Variants in SMG5 observed in about 807,000 individuals in gnomAD.
SMG5 encodes the protein SMG5 nonsense mediated mRNA decay factor.
Under a neutral mutation model 122.9 loss-of-function variants are expected in SMG5, and 53 were observed. The ratio of observed to expected loss-of-function variants is 0.43; its 90% CI spans 0.35 to 0.54. SMG5 has a LOEUF of 0.54. Among genes scored for constraint, SMG5 ranks in the 20% least tolerant of loss-of-function variants. The pLI is 0.01. For synonymous variants in SMG5, 477 were observed against 490.2 expected (o/e 0.97, Z 0.35); for missense variants, 1,153 against 1,285.6 (o/e 0.90, Z 1.58).
Position 156,251,405 on chromosome 1 carries a change from G to A in SMG5, c.2826C>T (p.Ala942=), listed in dbSNP as rs1661350000. The A allele has an allele frequency of 1.2e-6, 2 of 1,614,176 alleles. No individual in the cohort carries two copies. Among genetic ancestry groups the A allele is most frequent in the African/African-American group, 2.7e-5 (2 of 75,042 alleles). The change falls in exon 20 of 22, where the codon GCC becomes GCT. Residue 942 remains alanine (A), a splice_region_variant and synonymous_variant. Coordinates refer to ENST00000361813, the MANE Select transcript of SMG5 (RefSeq NM_015327.3). ...AGGGGTGAGGGCTAAAATGTTACCA[G>A]GCATCTGCATCCTGCCTCTTCAGCT... ...RHKLKRQDAD[A]WTLYKILDSC... is the part of the protein sequence containing the mutation.
At chr1:156,253,630 C>T (rs1572572224) in intron 16 of SMG5, 122 bp from the exon 17 acceptor site, 3 of 863,300 alleles carry the variant, frequency 3.5e-6, no homozygotes, top group East Asian at 4.9e-5. Context: ...CTCTCTAGCA[C>T]TGCTGCTGAA....
chr1:156,249,730 T>G lies in SMG5; in HGVS notation c.*857A>C, dbSNP rs1486915295. On this transcript the variant is annotated 3_prime_UTR_variant, in exon 22 of 22. Transcript: ENST00000361813. ...GCCCTCCCTTAGATAGGAAGGGGGG[T>G]GGTGGCCTCAGACTGCACCCCCTTT... 8.5e-6 allele frequency: 4 copies of G among 468,494 alleles called. No homozygotes were observed. Among genetic ancestry groups the G allele is most frequent in the South Asian group, 1.6e-5 (1 of 64,432 alleles). 29.0% of individuals were successfully genotyped at this position (468,494 alleles called of 1,614,324 possible). A position where few individuals can be genotyped will look rare whatever the true frequency, so the allele number is the denominator to read the frequency against.
chr1:156,268,225 C>A, intron 8 of SMG5, 42 bp from the exon 9 acceptor site: 1 of 1,614,036 alleles, frequency 6.2e-7, no homozygotes, highest in Non-Finnish European at 8.5e-7. Context: ...AATGGTCCCG[C>A]AGTCCCTATG....
chr1:156,251,096 G>GGGCAGTGAGC, intron 20 of SMG5, 100 bp from the exon 21 acceptor site: 1 of 1,499,434 alleles, frequency 6.7e-7, no homozygotes, highest in South Asian at 1.2e-5. Context: ...GGGGCTGGGA[G>GGGCAGTGAGC]GGCAGTGAGC....
the SMG5 span, chr1:156,290,960 A>G: frequency 5.5e-6 from 1 of 183,384 alleles, no homozygotes; most frequent in African/African-American, 2.4e-5. Context: ...TACTATACTC[A>G]TTGAATTTGC....
At chr1:156,265,638 T>C in intron 12 of SMG5, 143 bp downstream of exon 12, 1 of 1,269,784 alleles carries the variant, frequency 7.9e-7, no homozygotes, top group Non-Finnish European at 1.1e-6. Context: ...AGGAAAAAAC[T>C]CATGGGCTAC....
rs1662137692 is a variant in SMG5, at chr1:156,266,353, T to A, written c.1283A>T (p.Glu428Val). The A allele has an allele frequency of 6.2e-7, 1 of 1,613,424 alleles. No homozygotes were observed. ...CTCAGGATCTGGCTCCTCCTCTTTCTCCACAGGTTCCTTGGACTCTGGTTC... is the reference window on the plus strand; with the variant it reads ...CTCAGGATCTGGCTCCTCCTCTTTCACCACAGGTTCCTTGGACTCTGGTTC... ...TDEPESKEPV[E>V]KEEEPDPEPP... Residue 428 changes from glutamate to valine, a missense_variant, in exon 12 of 22, where the codon GAG becomes GTG. Glu to Val is a moderately radical substitution (Grantham distance 121). Coordinates refer to ENST00000361813, the MANE Select transcript of SMG5 (RefSeq NM_015327.3).
In SMG5 at chr1:156,266,684, G is replaced by A. The variant is rs570362105; in HGVS notation, c.1118-6C>T. On this transcript the variant is annotated splice_polypyrimidine_tract_variant and splice_region_variant and intron_variant, in intron 10 of 21. Coordinates refer to ENST00000361813, the MANE Select transcript of SMG5 (RefSeq NM_015327.3). ...TGCACTGTACTGCTTGGATCCTGAAGTCAGGAAAGCCAGGCATTAGGGGCC... is the reference window on the plus strand; with the variant it reads ...TGCACTGTACTGCTTGGATCCTGAAATCAGGAAAGCCAGGCATTAGGGGCC... The A allele has an allele frequency of 5.4e-5, 87 of 1,614,016 alleles. No homozygotes were observed. In the South Asian group the frequency reaches 9.2e-4, roughly 17 times the overall value.
intron 7 of SMG5, among the ~76,000 whole-genome samples, chr1:156,269,493 T>C (rs994080791): frequency 1.3e-5 from 2 of 151,878 alleles, no homozygotes; most frequent in African/African-American, 4.8e-5. Context: ...ACCCAGCACT[T>C]TGGGAGGCTG....
chr1:156,249,238 T>G lies in SMG5; in HGVS notation c.*1349A>C, dbSNP rs1572565671. 5 of 164,260 alleles carry G rather than the reference T, an allele frequency of 3.0e-5. No homozygotes were observed. Among genetic ancestry groups the G allele is most frequent in the Admixed American group, 1.2e-4 (2 of 17,298 alleles). The allele number at this position is 164,260 out of a possible 1,614,324, so 10.2% of individuals were successfully genotyped here. On this transcript the variant is annotated 3_prime_UTR_variant, in exon 22 of 22. Transcript: ENST00000361813. ...GGAGACAGGGATTGGGCTTGGGGGGTTTATTAAGTGATGCTTTAGTCTCAG... is the reference window on the plus strand; with the variant it reads ...GGAGACAGGGATTGGGCTTGGGGGGGTTATTAAGTGATGCTTTAGTCTCAG...
At chr1:156,257,347 G>A (rs1027545232) in intron 16 of SMG5, among the ~76,000 whole-genome samples, 4 of 152,142 alleles carry the variant, frequency 2.6e-5, no homozygotes, top group Admixed American at 6.5e-5. Context: ...TGATAAATGT[G>A]ATAACGACAA....
At chr1:156,278,479 C>T (rs1662789841) in intron 2 of SMG5, among the ~76,000 whole-genome samples, 1 of 151,730 alleles carries the variant, frequency 6.6e-6, no homozygotes, top group African/African-American at 2.4e-5. Flanking sequence ...CCTCCCACCT[C>T]AGCCTAACTA....
In SMG5 at chr1:156,261,348, C is replaced by T; in HGVS notation, c.2092G>A (p.Glu698Lys). 1 of 1,614,158 alleles carries T rather than the reference C, an allele frequency of 6.2e-7. No homozygotes were observed. Among genetic ancestry groups the T allele is most frequent in the South Asian group, 1.1e-5 (1 of 91,080 alleles). Reference sequence around the variant, plus strand: ...ACCCACTCACCAGACTCCTGGAGTTCACCAGCAGCAGGCAACAGATTCAGC... The same window carrying T: ...ACCCACTCACCAGACTCCTGGAGTTTACCAGCAGCAGGCAACAGATTCAGC... ...VLLNLLPAAG[E>K]LQESGLALCP... Residue 698 changes from glutamate (E) to lysine (K), a missense_variant, in exon 14 of 22, where the codon GAA becomes AAA. Coordinates refer to ENST00000361813, the MANE Select transcript of SMG5 (RefSeq NM_015327.3).
intron 5 of SMG5, 36 bp from the exon 6 acceptor site, chr1:156,273,486 T>G: frequency 6.3e-7 from 1 of 1,595,422 alleles, no homozygotes; most frequent in Non-Finnish European, 8.6e-7. Flanking sequence ...AACTCGATGA[T>G]TTTAAGTTTC....
intron 4 of SMG5, 150 bp downstream of exon 4, chr1:156,276,935 G>T: frequency 2.7e-6 from 2 of 744,034 alleles, no homozygotes; most frequent in Non-Finnish European, 4.3e-6. Flanking sequence ...TGATTGTCTG[G>T]ATAAATCCAA....
chr1:156,261,725 TA>T (rs1175990329), intron 13 of SMG5, among the ~76,000 whole-genome samples: 1 of 151,604 alleles, frequency 6.6e-6, no homozygotes, highest in African/African-American at 2.4e-5. Context: ...CCATCCCTAC[TA>T]AAAATACAAA....
rs151108941 is a variant in SMG5 at position 156,266,564 on chromosome 1, G to T, written c.1232C>A (p.Pro411Gln). 9 of 1,614,134 alleles carry T rather than the reference G, an allele frequency of 5.6e-6. 1 individual carries two copies. In the South Asian group the frequency reaches 7.7e-5, roughly 14 times the overall value. ...AELEEGENPV[P>Q]AFQSDGTDEP... ...ACCTGTGCCATCACTCTGGAATGCC[G>T]GGACGGGATTCTCGCCCTCTTCCAG... Residue 411 changes from proline to glutamine, a missense_variant, in exon 11 of 22, where the codon CCG (proline) becomes CAG (glutamine). By Grantham distance (76) the Pro-to-Gln change is moderately conservative. Coordinates refer to ENST00000361813, the MANE Select transcript of SMG5 (RefSeq NM_015327.3).
In SMG5 at chr1:156,267,606, C is replaced by T. The variant is rs763581262; in HGVS notation, c.981G>A (p.Leu327=). 6.2e-6 allele frequency: 10 copies of T among 1,613,720 alleles called. No individual in the cohort carries two copies. The highest frequency in any genetic ancestry group is 1.7e-5 in the Admixed American group (1 of 59,986). ...CCAGGCTGAGGTTGGGTGAGGAGGG[C>T]AGGTAGAAGAGGCAGAGGTTGAAGT... The part of the protein sequence containing the change: ...LEDFNLCLFY[L]PSSPNLSLAS... Residue 327 remains leucine (L), a synonymous_variant, in exon 10 of 22, where the codon CTG becomes CTA. Transcript: ENST00000361813.
At position 156,249,861 on chromosome 1, in the gene SMG5, A is replaced by G; in HGVS notation, c.*726T>C. On this transcript the variant is annotated 3_prime_UTR_variant, in exon 22 of 22. Transcript: ENST00000361813. ...AGGAGACCGTGCTGGCACAGGCCAGACTGCCTGCAGCCCTAGGTGGGGCCT... is the reference window on the plus strand; with the variant it reads ...AGGAGACCGTGCTGGCACAGGCCAGGCTGCCTGCAGCCCTAGGTGGGGCCT... 2.1e-6 allele frequency: 1 copy of G among 471,244 alleles called. No individual in the cohort carries two copies. 29.2% of individuals were successfully genotyped at this position (471,244 alleles called of 1,614,324 possible).
Sources: allele counts gnomAD v4.1 joint callset (sites outside exome capture counted in the v4.1 genomes callset), GRCh38; gene constraint gnomAD v4.1.1; transcripts MANE v1.5; gene names NCBI Gene and HGNC (gene_info 2026-07-23, HGNC 2026-07-21).